The following TMEM132D variants were observed in gnomAD, a reference collection of about 807,000 sequenced individuals.
The protein encoded by TMEM132D is mature OL transmembrane protein.
A neutral mutation model predicts 62.3 loss-of-function variants in TMEM132D; 21 were observed. That is an observed-to-expected ratio of 0.34 (90% CI 0.24 to 0.49). TMEM132D has a LOEUF of 0.49. Among genes scored for constraint, TMEM132D ranks in the 20% least tolerant of loss-of-function variants. The pLI is 0.99. For missense variants in TMEM132D, 1,346 were observed against 1,402.8 expected (o/e 0.96, Z 0.65); for synonymous variants, 621 against 575.6 (o/e 1.08, Z -1.13).
chr12:129,072,582 C>T lies in TMEM132D; in HGVS notation c.*1293G>A, dbSNP rs1874107044. ...CACCACATGCACTGATGCCCCTTAT[C>T]CCTTCGCACCTCCAAGATGAAGAAG... On this transcript the variant is annotated 3_prime_UTR_variant, in exon 9 of 9. Coordinates refer to ENST00000422113, the MANE Select transcript of TMEM132D (RefSeq NM_133448.3). The T allele has an allele frequency of 6.6e-6, 1 of 152,304 alleles. No individual in the cohort carries two copies. The highest frequency in any genetic ancestry group is 2.1e-4 in the South Asian group (1 of 4,832). The allele number at this position is 152,304 out of a possible 1,614,324, so 9.4% of individuals were successfully genotyped here. A position where few individuals can be genotyped will look rare whatever the true frequency, so the allele number is the denominator to read the frequency against.
chr12:129,637,937 C>A (rs571186664), intron 2 of TMEM132D, among the ~76,000 whole-genome samples: 9 of 152,258 alleles, frequency 5.9e-5, no homozygotes, highest in East Asian at 3.9e-4. Context: ...GGAAAATCCA[C>A]CCCCATGATC....
chr12:129,887,225 C>T (rs975831050), intron 1 of TMEM132D, among the ~76,000 whole-genome samples: 16 of 152,178 alleles, frequency 1.1e-4, no homozygotes, highest in East Asian at 7.7e-4. Flanking sequence ...GCAGACCGCC[C>T]GCCCCTCCCT....
intron 4 of TMEM132D, among the ~76,000 whole-genome samples, chr12:129,284,086 G>A (rs1235073450): frequency 6.6e-6 from 1 of 152,240 alleles, no homozygotes; most frequent in Non-Finnish European, 1.5e-5. Context: ...GCTCACAGCT[G>A]GCAGCCAGCA....
chr12:129,240,778 C>T (rs560517781), intron 4 of TMEM132D, among the ~76,000 whole-genome samples: 25 of 152,242 alleles, frequency 1.6e-4, no homozygotes, highest in African/African-American at 5.3e-4. Flanking sequence ...ATGCCTCAGC[C>T]GATGCTCTTC....
At chr12:129,686,197 T>C (rs1030494015) in intron 2 of TMEM132D, among the ~76,000 whole-genome samples, 1 of 152,110 alleles carries the variant, frequency 6.6e-6, no homozygotes, top group African/African-American at 2.4e-5. Flanking sequence ...AGGGGTGGAA[T>C]GATATGGTTT....
chr12:129,632,212 T>C (rs1033456658), intron 2 of TMEM132D, among the ~76,000 whole-genome samples: 1 of 152,194 alleles, frequency 6.6e-6, no homozygotes, highest in African/African-American at 2.4e-5. Context: ...AAGCTGAGCC[T>C]GAGCCGTGTG....
intron 2 of TMEM132D, among the ~76,000 whole-genome samples, chr12:129,548,550 A>C (rs1876802777): frequency 1.3e-5 from 2 of 152,212 alleles, no homozygotes; most frequent in Non-Finnish European, 2.9e-5. Context: ...CATATTGGAT[A>C]TTAGGACCTA....
intron 3 of TMEM132D, among the ~76,000 whole-genome samples, chr12:129,389,775 G>C (rs1489281363): frequency 6.6e-6 from 1 of 152,190 alleles, no homozygotes; most frequent in African/African-American, 2.4e-5. Context: ...TTCATAAACA[G>C]CTCTTTGAAG....
chr12:129,874,903 C>G (rs1364881192), intron 1 of TMEM132D, among the ~76,000 whole-genome samples: 2 of 152,070 alleles, frequency 1.3e-5, no homozygotes, highest in African/African-American at 4.8e-5. Flanking sequence ...TCTAGAACTC[C>G]CGACCTCAGG....
intron 3 of TMEM132D, among the ~76,000 whole-genome samples, chr12:129,528,271 C>T (rs570387776): frequency 6.6e-6 from 1 of 152,250 alleles, no homozygotes; most frequent in South Asian, 2.1e-4. Flanking sequence ...TCTGTAATCA[C>T]GGAGCATGAT....
rs139548797 is a variant in TMEM132D, at chr12:129,724,584, G to A, written c.80-23886C>T. 3.2e-3 allele frequency among the ~76,000 whole-genome samples: 490 copies of A among 152,274 alleles called. 3 individuals are homozygous for A. Among genetic ancestry groups the A allele is most frequent in the South Asian group, 0.014 (68 of 4,828 alleles). Reference sequence around the variant, plus strand: ...GTCGCCCAGGTTGGAGTACAGTGGCGTGATCTCGGCTCACCGCAACCCCCG... The same window carrying A: ...GTCGCCCAGGTTGGAGTACAGTGGCATGATCTCGGCTCACCGCAACCCCCG... On this transcript the variant is annotated intron_variant, in intron 1 of 8. Coordinates refer to ENST00000422113, the MANE Select transcript of TMEM132D (RefSeq NM_133448.3).
intron 1 of TMEM132D, among the ~76,000 whole-genome samples, chr12:129,747,864 ACGACACACAC>A (rs1869865188): frequency 4.4e-5 from 1 of 22,796 alleles, no homozygotes; most frequent in Non-Finnish European, 1.3e-4. Flanking sequence ...ACACACACAC[ACGACACACAC>A]ACACATTCAG....
At position 129,337,621 on chromosome 12, in the gene TMEM132D, G is replaced by T. The variant is rs765184726; in HGVS notation, c.1299+13C>A. ...GAGTTCAGTTCTAACAGCCCAGGGC[G>T]GGGCTTGCTTACCATAGCCAGCGGC... On this transcript the variant is annotated intron_variant, in intron 4 of 8. Coordinates refer to ENST00000422113, the MANE Select transcript of TMEM132D (RefSeq NM_133448.3). 3 of 1,613,466 alleles carry T rather than the reference G, an allele frequency of 1.9e-6. No homozygotes were observed. The highest frequency in any genetic ancestry group is 2.5e-6 in the Non-Finnish European group (3 of 1,179,738).
chr12:129,487,332 A>G (rs1874613668), intron 3 of TMEM132D, among the ~76,000 whole-genome samples: 1 of 152,158 alleles, frequency 6.6e-6, no homozygotes, highest in Non-Finnish European at 1.5e-5. Flanking sequence ...TGGCTTTCAT[A>G]ATGAATGCAG....
At chr12:129,635,338 G>A (rs1011018331) in intron 2 of TMEM132D, among the ~76,000 whole-genome samples, 1 of 152,176 alleles carries the variant, frequency 6.6e-6, no homozygotes, top group Non-Finnish European at 1.5e-5. Flanking sequence ...ATAACGGTAA[G>A]TCCTCAGATT....
At chr12:129,472,676 T>C (rs1874127155) in intron 3 of TMEM132D, among the ~76,000 whole-genome samples, 1 of 152,140 alleles carries the variant, frequency 6.6e-6, no homozygotes, top group Non-Finnish European at 1.5e-5. Context: ...GTGGACATAG[T>C]TGAAATGACA....
At chr12:129,112,427 C>T (rs963926006) in intron 5 of TMEM132D, among the ~76,000 whole-genome samples, 2 of 152,176 alleles carry the variant, frequency 1.3e-5, no homozygotes, top group Admixed American at 6.5e-5. Context: ...TTTGGGAGGC[C>T]AAGGCGGACG....
rs71085578 is a variant in TMEM132D at position 129,839,117 on chromosome 12, A to ATTTTTTTTTTTTTTT, written c.79+64129_79+64143dup. Among the ~76,000 whole-genome samples the ATTTTTTTTTTTTTTT allele has an allele frequency of 8.5e-3, 175 of 20,706 alleles. 61 individuals carry two copies. Among genetic ancestry groups the ATTTTTTTTTTTTTTT allele is most frequent in the East Asian group, 0.024 (15 of 638 alleles). The allele number at this position is 20,706 out of a possible 152,430, so 13.6% of individuals were successfully genotyped here. A position where few individuals can be genotyped will look rare whatever the true frequency, so the allele number is the denominator to read the frequency against. ...AGGCGTCCACCACCACGCCTGGCTA[A>ATTTTTTTTTTTTTTT]TTTTTTTTTTTTTTTTTTTTTTTTT... On this transcript the variant is annotated intron_variant, in intron 1 of 8. Coordinates refer to ENST00000422113, the MANE Select transcript of TMEM132D (RefSeq NM_133448.3).
chr12:129,254,775 C>G (rs970022591), intron 4 of TMEM132D, among the ~76,000 whole-genome samples: 1 of 152,146 alleles, frequency 6.6e-6, no homozygotes, highest in African/African-American at 2.4e-5. Context: ...TCATCCTCTT[C>G]TGATTTATAT....
Sources: gnomAD v4.1 joint callset for allele counts (sites outside exome capture counted in the v4.1 genomes callset) on GRCh38, gnomAD v4.1.1 for gene constraint, MANE v1.5 for transcripts, NCBI Gene and HGNC (gene_info 2026-07-23, HGNC 2026-07-21) for gene names.